The following OXR1 variants were observed in gnomAD, a reference collection of about 807,000 sequenced individuals.
The protein encoded by OXR1 is oxidation resistance protein 1.
In OXR1, 41 loss-of-function variants were observed where a neutral mutation model predicts 104.6. That is an observed-to-expected ratio of 0.39 (90% CI 0.31 to 0.51). The LOEUF (loss-of-function observed/expected upper bound fraction) is 0.51. Among genes scored for constraint, OXR1 ranks in the 20% least tolerant of loss-of-function variants. The pLI, the probability that OXR1 is intolerant of heterozygous loss-of-function variation, is 0.77. For synonymous variants in OXR1, 348 were observed against 348.4 expected, an observed-to-expected ratio of 1.00 and a Z score of 0.01; for missense variants, 955 against 1,031.9, an observed-to-expected ratio of 0.93 and a Z score of 1.02.
chr8:106,578,594 C>T (rs896320635), intron 3 of OXR1, among the ~76,000 whole-genome samples: 10 of 152,140 alleles, frequency 6.6e-5, no homozygotes, highest in African/African-American at 2.4e-4. Context: ...TCTCCTTTAT[C>T]AACATTTTAA....
At chr8:106,420,730 T>TTGTGTGTGTGTGTGTG (rs6150748) in intron 2 of OXR1, among the ~76,000 whole-genome samples, 6,498 of 147,180 alleles carry the variant, frequency 0.044, 537 homozygotes, top group African/African-American at 0.15. Flanking sequence ...CATTAAAATA[T>TTGTGTGTGTGTGTGTG]TGTGTGTGTG....
intron 16 of OXR1, among the ~76,000 whole-genome samples, chr8:106,746,533 A>G (rs1835410681): frequency 6.6e-6 from 1 of 152,154 alleles, no homozygotes; most frequent in Admixed American, 6.5e-5. Flanking sequence ...ATGCTAAATA[A>G]TTTTCAGACT....
At chr8:106,645,267 G>A (rs547022578) in intron 3 of OXR1, among the ~76,000 whole-genome samples, 3 of 152,252 alleles carry the variant, frequency 2.0e-5, no homozygotes, top group Admixed American at 2.0e-4. Context: ...AAAACCAGTA[G>A]GGTAGGTACA....
At chr8:106,445,920 T>G (rs1819995198) in intron 2 of OXR1, among the ~76,000 whole-genome samples, 1 of 152,196 alleles carries the variant, frequency 6.6e-6, no homozygotes, top group Non-Finnish European at 1.5e-5. Context: ...TAATTTCGCC[T>G]GGGTTGGACA....
At chr8:106,536,706 T>C (rs2130289505) in intron 3 of OXR1, among the ~76,000 whole-genome samples, 1 of 152,300 alleles carries the variant, frequency 6.6e-6, no homozygotes, top group East Asian at 1.9e-4. Flanking sequence ...TGGTGCTGGG[T>C]CACTCAAAGC....
At chr8:106,695,713 C>T (rs1207577686) in intron 7 of OXR1, among the ~76,000 whole-genome samples, 6 of 152,028 alleles carry the variant, frequency 3.9e-5, no homozygotes, top group African/African-American at 9.7e-5. Flanking sequence ...CTACCGCACC[C>T]GGCACGTTTA....
At chr8:106,331,415 T>C (rs900665432) in intron 1 of OXR1, among the ~76,000 whole-genome samples, 1 of 152,162 alleles carries the variant, frequency 6.6e-6, no homozygotes, top group African/African-American at 2.4e-5. Flanking sequence ...CTTACAAAAA[T>C]ACAAGTTAAT....
chr8:106,725,908 A>G (rs1475954377), intron 11 of OXR1: 1 of 205,668 alleles, frequency 4.9e-6, no homozygotes, highest in Non-Finnish European at 9.7e-6. Context: ...GGTTACTTTT[A>G]GTATATTCAT....
chr8:106,325,391 T>C (rs1056222187), intron 1 of OXR1, among the ~76,000 whole-genome samples: 2 of 152,200 alleles, frequency 1.3e-5, no homozygotes, highest in East Asian at 3.8e-4. Flanking sequence ...GGAGAAAATA[T>C]GGTGTAATGG....
intron 1 of OXR1, among the ~76,000 whole-genome samples, chr8:106,291,686 C>G (rs918543508): frequency 6.6e-6 from 1 of 152,106 alleles, no homozygotes; most frequent in African/African-American, 2.4e-5. Flanking sequence ...TTTCACACTG[C>G]TGTGAAGAAA....
chr8:106,700,394 A>G (rs1379678284), intron 7 of OXR1, among the ~76,000 whole-genome samples: 2 of 152,168 alleles, frequency 1.3e-5, no homozygotes, highest in Non-Finnish European at 2.9e-5. Context: ...CAAACTCTTG[A>G]TTTATGGAGA....
chr8:106,371,866 A>G (rs1295734268), intron 2 of OXR1, among the ~76,000 whole-genome samples: 1 of 152,222 alleles, frequency 6.6e-6, no homozygotes, highest in Non-Finnish European at 1.5e-5. Context: ...ACAAGTCTTG[A>G]GACAAAGCCT....
chr8:106,288,737 G>T (rs1033276830), intron 1 of OXR1, among the ~76,000 whole-genome samples: 6 of 145,872 alleles, frequency 4.1e-5, no homozygotes, highest in South Asian at 2.1e-4. Context: ...TAAATATATA[G>T]AGAGAATATG....
rs71307086 is a variant in OXR1, at chr8:106,739,075, T to TACACACACACACACACACACACACACAC, written c.2038-365_2038-338dup. Among the ~76,000 whole-genome samples the TACACACACACACACACACACACACACAC allele has an allele frequency of 2.3e-4, 33 of 141,624 alleles. 1 individual carries two copies. Among genetic ancestry groups the TACACACACACACACACACACACACACAC allele is most frequent in the East Asian group, 1.5e-3 (7 of 4,632 alleles). The allele number at this position is 141,624 out of a possible 152,430, so 92.9% of individuals were successfully genotyped here. A position where few individuals can be genotyped will look rare whatever the true frequency, so the allele number is the denominator to read the frequency against. ...TGAAAGAATTCTATTTTAAATAGCA[T>TACACACACACACACACACACACACACAC]ACACACACACACACACACACACACA... is the stretch of plus-strand genomic sequence containing the variant. On this transcript the variant is annotated intron_variant, in intron 12 of 16. Coordinates refer to ENST00000517566, the MANE Select transcript of OXR1 (RefSeq NM_001198533.2).
intron 2 of OXR1, among the ~76,000 whole-genome samples, chr8:106,412,110 T>G (rs1235954205): frequency 1.3e-5 from 2 of 152,170 alleles, no homozygotes; most frequent in East Asian, 1.9e-4. Context: ...AAATGTTACC[T>G]GCATTTAAAT....
intron 3 of OXR1, among the ~76,000 whole-genome samples, chr8:106,524,675 C>T (rs563295845): frequency 1.8e-4 from 28 of 152,284 alleles, no homozygotes; most frequent in African/African-American, 6.3e-4. Flanking sequence ...AGGCAGCCAT[C>T]GTATGCGTTG....
At chr8:106,594,391 T>G (rs1206680695) in intron 3 of OXR1, among the ~76,000 whole-genome samples, 1 of 152,220 alleles carries the variant, frequency 6.6e-6, no homozygotes, top group African/African-American at 2.4e-5. Context: ...GAAGTTTGTA[T>G]AAGTGGTCCT....
chr8:106,591,098 T>C (rs993974198), intron 3 of OXR1, among the ~76,000 whole-genome samples: 2 of 151,796 alleles, frequency 1.3e-5, no homozygotes, highest in Non-Finnish European at 2.9e-5. Context: ...CACGGAATAC[T>C]ATGCAGCCAT....
At chr8:106,692,026 T>G (rs1262264264) in intron 6 of OXR1, among the ~76,000 whole-genome samples, 1 of 151,548 alleles carries the variant, frequency 6.6e-6, no homozygotes, top group Non-Finnish European at 1.5e-5. Context: ...CACATATATA[T>G]ATAACTATAC....
Sources: allele counts gnomAD v4.1 joint callset (sites outside exome capture counted in the v4.1 genomes callset), GRCh38; gene constraint gnomAD v4.1.1; transcripts MANE v1.5; gene names NCBI Gene and HGNC (gene_info 2026-07-23, HGNC 2026-07-21).